MYT1L: variants seen among roughly 807,000 people sequenced by gnomAD.
The protein encoded by MYT1L is myelin transcription factor 1-like protein.
MYT1L carries 12 observed loss-of-function variants against 126.7 expected under a neutral mutation model. The observed-to-expected ratio is 0.09, with a 90% CI of 0.06 to 0.15. The LOEUF is 0.15. Among genes scored for constraint, MYT1L ranks in the 10% least tolerant of loss-of-function variants. The pLI is 1.00. For synonymous variants in MYT1L, 541 were observed against 604.2 expected, an observed-to-expected ratio of 0.90 and a Z score of 1.53; for missense variants, 979 against 1,585.2, an observed-to-expected ratio of 0.62 and a Z score of 6.49.
intron 21 of MYT1L, among the ~76,000 whole-genome samples, chr2:1,824,005 C>G (rs567039596): frequency 8.5e-5 from 13 of 152,190 alleles, no homozygotes; most frequent in South Asian, 2.1e-4. Context: ...GCCTCCCCCC[C>G]CAGCGGGGCC....
intron 3 of MYT1L, among the ~76,000 whole-genome samples, chr2:2,119,920 GAC>G (rs2080758106): frequency 6.6e-6 from 1 of 152,074 alleles, no homozygotes. Context: ...GCGGAAATAT[GAC>G]AGAGAAAAGA....
At chr2:2,158,955 G>A (rs2087275031) in intron 3 of MYT1L, among the ~76,000 whole-genome samples, 1 of 152,184 alleles carries the variant, frequency 6.6e-6, no homozygotes, top group African/African-American at 2.4e-5. Context: ...GCATTTTGTT[G>A]TGTACCTTGT....
At chr2:2,117,488 G>A (rs1309540236) in intron 3 of MYT1L, among the ~76,000 whole-genome samples, 1 of 152,010 alleles carries the variant, frequency 6.6e-6, no homozygotes, top group Non-Finnish European at 1.5e-5. Flanking sequence ...TATGATGGAA[G>A]ACGTGTGTCA....
chr2:2,187,400 C>G (rs917986409), intron 2 of MYT1L, among the ~76,000 whole-genome samples: 2 of 152,040 alleles, frequency 1.3e-5, no homozygotes, highest in Non-Finnish European at 2.9e-5. Context: ...CATTTTCTTT[C>G]ATTCGCCGTC....
chr2:1,848,386 C>G lies in MYT1L; in HGVS notation c.2774+3255G>C, dbSNP rs573347577. Among the ~76,000 whole-genome samples, 20 of 151,728 alleles carry G rather than the reference C, an allele frequency of 1.3e-4. No homozygotes were observed. The South Asian group carries it at 4.2e-3, about 32-fold the overall frequency. ...GGAGCAGGAGGGAGAATTCCAGACA[C>G]CACAGGTGCGCGAGGCGGATCTGTG... On this transcript the variant is annotated intron_variant, in intron 19 of 24. Coordinates refer to ENST00000647738, the MANE Select transcript of MYT1L (RefSeq NM_001303052.2). The surrounding 1 kb of genome is among the most constrained non-coding windows in gnomAD (Gnocchi z 4.8).
chr2:1,938,726 C>T (rs1036541209), intron 9 of MYT1L, among the ~76,000 whole-genome samples: 6 of 152,176 alleles, frequency 3.9e-5, no homozygotes, highest in Non-Finnish European at 8.8e-5. Flanking sequence ...AGAGCTTCTG[C>T]CCTACCCATC....
At chr2:2,017,647 T>C (rs2064562465) in intron 4 of MYT1L, among the ~76,000 whole-genome samples, 1 of 152,248 alleles carries the variant, frequency 6.6e-6, no homozygotes, top group Non-Finnish European at 1.5e-5. Flanking sequence ...GCACTTAAGA[T>C]GTAACTTTGA....
In MYT1L at chr2:1,801,450, T is replaced by A; in HGVS notation, c.3276+246A>T. ...TCCTCTGAAAATGCCTATTCACAAA[T>A]GCACTTTATTAAAAAACACAAACAC... On this transcript the variant is annotated intron_variant, in intron 23 of 24. Transcript: ENST00000647738. This position sits in a 1 kb window ranked among gnomAD's most constrained non-coding sequence, Gnocchi z 4.2. 2.5e-6 allele frequency: 1 copy of A among 400,800 alleles called. No homozygotes were observed. The highest frequency in any genetic ancestry group is 4.4e-6 in the Non-Finnish European group (1 of 227,186). The allele number at this position is 400,800 out of a possible 1,614,324, so 24.8% of individuals were successfully genotyped here.
intron 3 of MYT1L, among the ~76,000 whole-genome samples, chr2:2,106,720 T>G (rs2078810608): frequency 2.6e-5 from 4 of 152,200 alleles, no homozygotes; most frequent in Admixed American, 2.6e-4. Context: ...GACACAAGCA[T>G]TCAGGACATG....
intron 2 of MYT1L, among the ~76,000 whole-genome samples, chr2:2,238,653 G>C (rs2094375458): frequency 6.6e-6 from 1 of 152,202 alleles, no homozygotes; most frequent in Non-Finnish European, 1.5e-5. Flanking sequence ...GTGTATATCT[G>C]AGAGATCCTG....
intron 5 of MYT1L, among the ~76,000 whole-genome samples, chr2:1,983,633 AAAG>A (rs2060778147): frequency 6.6e-6 from 1 of 152,154 alleles, no homozygotes; most frequent in Admixed American, 6.5e-5. Flanking sequence ...ACCCGCCTGA[AAAG>A]AATGCTTGGG....
chr2:1,937,797 G>C (rs570428620), intron 9 of MYT1L, among the ~76,000 whole-genome samples: 58 of 152,328 alleles, frequency 3.8e-4, no homozygotes, highest in African/African-American at 1.4e-3. Flanking sequence ...CGTGGAGAAG[G>C]CCCTAAGGTG....
chr2:1,830,198 A>G (rs1007166724), intron 21 of MYT1L, among the ~76,000 whole-genome samples: 1 of 152,190 alleles, frequency 6.6e-6, no homozygotes, highest in African/African-American at 2.4e-5. Context: ...GATAGTGGAA[A>G]GGAGTCACTC....
intron 2 of MYT1L, among the ~76,000 whole-genome samples, chr2:2,263,655 C>A (rs2095049453): frequency 6.6e-6 from 1 of 152,112 alleles, no homozygotes; most frequent in Non-Finnish European, 1.5e-5. Context: ...TGGCAGGTGG[C>A]ACAGAAGAGG....
intron 2 of MYT1L, among the ~76,000 whole-genome samples, chr2:2,241,675 G>A (rs1445536435): frequency 2.0e-5 from 3 of 152,168 alleles, no homozygotes; most frequent in Admixed American, 6.5e-5. Flanking sequence ...ATATGTATAG[G>A]AGCATAATTC....
At chr2:1,866,509 G>C (rs1470991945) in intron 18 of MYT1L, among the ~76,000 whole-genome samples, 1 of 142,712 alleles carries the variant, frequency 7.0e-6, no homozygotes, top group Non-Finnish European at 1.5e-5. Flanking sequence ...GGCAGAGAGA[G>C]AAGGGGAGAG....
At chr2:2,254,784 A>G (rs1323763388) in intron 2 of MYT1L, among the ~76,000 whole-genome samples, 1 of 152,128 alleles carries the variant, frequency 6.6e-6, no homozygotes, top group Non-Finnish European at 1.5e-5. Flanking sequence ...AATCTTCATC[A>G]CAAGAATCAC....
chr2:1,790,843 AT>A lies in MYT1L; in HGVS notation c.*1023del, dbSNP rs2031960454. ...CATAACAATAATAGGAATAATCATA[AT>A]TTTTTAAAGTGAAAAGGGGAAATAA... On this transcript the variant is annotated 3_prime_UTR_variant, in exon 25 of 25. Coordinates refer to ENST00000647738, the MANE Select transcript of MYT1L (RefSeq NM_001303052.2). The A allele has an allele frequency of 6.2e-6, 1 of 161,004 alleles. No homozygotes were observed. Among genetic ancestry groups the A allele is most frequent in the South Asian group, 1.7e-4 (1 of 5,850 alleles). The allele number at this position is 161,004 out of a possible 1,614,324, so 10.0% of individuals were successfully genotyped here.
intron 18 of MYT1L, 140 bp from the exon 19 acceptor site, chr2:1,851,843 C>G: frequency 1.3e-6 from 1 of 786,282 alleles, no homozygotes; most frequent in South Asian, 1.7e-5. Flanking sequence ...GCCGGAAGCT[C>G]CCTCATGGAG....
Sources: gnomAD v4.1 joint callset for allele counts (sites outside exome capture counted in the v4.1 genomes callset) on GRCh38, gnomAD v4.1.1 for gene constraint, Gnocchi (gnomAD v3.1) non-coding constraint, MANE v1.5 for transcripts, NCBI Gene and HGNC (gene_info 2026-07-23, HGNC 2026-07-21) for gene names.